MAF: variants seen among roughly 807,000 people sequenced by gnomAD.
MAF encodes the protein MAF bZIP transcription factor.
MAF carries 10 observed loss-of-function variants against 22.0 expected under a neutral mutation model. The ratio of observed to expected loss-of-function variants is 0.45; its 90% confidence interval spans 0.28 to 0.77. The LOEUF is 0.77. Among genes scored for constraint, MAF ranks in the 30% least tolerant of loss-of-function variants. The pLI is 0.12. For synonymous variants in MAF, 337 were observed against 255.8 expected (o/e 1.32, Z -3.03); for missense variants, 544 against 548.4 (o/e 0.99, Z 0.08).
chr16:79,564,804 C>G, the MAF span, among the ~76,000 whole-genome samples: 2 of 152,168 alleles, frequency 1.3e-5, no homozygotes, highest in African/African-American at 2.4e-5. Flanking sequence ...ATAACCAAGG[C>G]CAACCATTGA....
the MAF span, among the ~76,000 whole-genome samples, chr16:79,310,541 C>A: frequency 9.2e-5 from 14 of 152,204 alleles, no homozygotes; most frequent in Admixed American, 8.5e-4. Context: ...GATGGGAGGA[C>A]TGCTGTCCCA....
chr16:79,365,045 G>C, the MAF span, among the ~76,000 whole-genome samples: 1 of 152,156 alleles, frequency 6.6e-6, no homozygotes, highest in African/African-American at 2.4e-5. Flanking sequence ...TCCCTAGTTA[G>C]AACTTAGTTG....
At chr16:79,403,676 G>A in the MAF span, among the ~76,000 whole-genome samples, 1 of 152,214 alleles carries the variant, frequency 6.6e-6, no homozygotes, top group Non-Finnish European at 1.5e-5. Context: ...ACACCATGGT[G>A]AGATTATTTA....
the MAF span, among the ~76,000 whole-genome samples, chr16:79,325,220 G>T: frequency 6.6e-6 from 1 of 152,140 alleles, no homozygotes; most frequent in African/African-American, 2.4e-5. Flanking sequence ...CACTACACAG[G>T]CAAATACTTT....
the MAF span, among the ~76,000 whole-genome samples, chr16:79,330,319 C>A: frequency 6.6e-6 from 1 of 152,150 alleles, no homozygotes; most frequent in African/African-American, 2.4e-5. Flanking sequence ...AGCTCCAAAC[C>A]CCCTCAGTTG....
chr16:79,441,773 T>A, the MAF span, among the ~76,000 whole-genome samples: 1 of 152,208 alleles, frequency 6.6e-6, no homozygotes, highest in Non-Finnish European at 1.5e-5. Flanking sequence ...TACTTATGTG[T>A]AAATTTATTT....
the MAF span, among the ~76,000 whole-genome samples, chr16:79,339,225 A>G: frequency 0.011 from 1,598 of 146,420 alleles, 14 homozygotes; most frequent in Non-Finnish European, 0.017. Flanking sequence ...ACCCGCCACC[A>G]CGCCCGGCTA....
downstream of MAF, among the ~76,000 whole-genome samples, chr16:79,582,733 CAACAGATATATTGATGT>C (rs1912597763): frequency 1.3e-5 from 2 of 152,262 alleles, no homozygotes; most frequent in African/African-American, 2.4e-5. Context: ...TTCTCAGTGC[CAACAGATATATTGATGT>C]AATTAGCTTA....
chr16:79,417,135 T>C, the MAF span, among the ~76,000 whole-genome samples: 1 of 152,222 alleles, frequency 6.6e-6, no homozygotes, highest in Non-Finnish European at 1.5e-5. Flanking sequence ...ATTCTCATTT[T>C]CATTTGAGGC....
chr16:79,577,274 G>A, the MAF span, among the ~76,000 whole-genome samples: 18 of 152,152 alleles, frequency 1.2e-4, no homozygotes, highest in Admixed American at 2.6e-4. Flanking sequence ...CAAAGACGGA[G>A]AGGAGGGCAC....
At chr16:79,341,056 C>T in the MAF span, among the ~76,000 whole-genome samples, 1 of 152,078 alleles carries the variant, frequency 6.6e-6, no homozygotes, top group Admixed American at 6.5e-5. Flanking sequence ...CCAAGGCCTG[C>T]AGCATGGAAG....
the MAF span, among the ~76,000 whole-genome samples, chr16:79,314,335 A>T: frequency 6.6e-6 from 1 of 152,148 alleles, no homozygotes; most frequent in African/African-American, 2.4e-5. Context: ...TTTTCCTTTC[A>T]TAAGTACCCC....
downstream of MAF, among the ~76,000 whole-genome samples, chr16:79,592,037 C>T (rs919494828): frequency 6.6e-6 from 1 of 152,192 alleles, no homozygotes; most frequent in Non-Finnish European, 1.5e-5. Context: ...ACGTTAGCCA[C>T]GGAGCAAGTG....
At chr16:79,453,532 T>C in the MAF span, among the ~76,000 whole-genome samples, 1 of 152,216 alleles carries the variant, frequency 6.6e-6, no homozygotes. Context: ...CTATTGGCAA[T>C]CACCTAAGCA....
At chr16:79,338,574 AC>A in the MAF span, among the ~76,000 whole-genome samples, 51 of 151,214 alleles carry the variant, frequency 3.4e-4, no homozygotes, top group African/African-American at 1.3e-3. Context: ...GTACAAGGTT[AC>A]AGAAGCAAAA....
chr16:79,536,905 G>A, the MAF span, among the ~76,000 whole-genome samples: 1 of 152,192 alleles, frequency 6.6e-6, no homozygotes, highest in Non-Finnish European at 1.5e-5. Context: ...ATTTTGGTAT[G>A]GGAGGGGGGT....
At chr16:79,530,584 T>C in the MAF span, among the ~76,000 whole-genome samples, 1 of 152,324 alleles carries the variant, frequency 6.6e-6, no homozygotes, top group Non-Finnish European at 1.5e-5. Flanking sequence ...GGAATGAATA[T>C]ATATATTTGT....
chr16:79,502,445 G>A, the MAF span, among the ~76,000 whole-genome samples: 7 of 152,154 alleles, frequency 4.6e-5, no homozygotes, highest in East Asian at 7.7e-4. Context: ...GTGGGTGGGT[G>A]GCTTGAGGTC....
chr16:79,397,660 T>C, the MAF span, among the ~76,000 whole-genome samples: 1 of 152,160 alleles, frequency 6.6e-6, no homozygotes, highest in East Asian at 1.9e-4. Flanking sequence ...GGCTTGCTAG[T>C]TCCCTGCCCT....
Sources: gnomAD v4.1 joint callset for allele counts (sites outside exome capture counted in the v4.1 genomes callset) on GRCh38, gnomAD v4.1.1 for gene constraint, MANE v1.5 for transcripts, NCBI Gene and HGNC (gene_info 2026-07-23, HGNC 2026-07-21) for gene names.